THSD7B: variants seen among roughly 807,000 people sequenced by gnomAD.
The protein encoded by THSD7B is thrombospondin type 1 domain containing 7B.
Under a neutral mutation model 213.6 loss-of-function variants are expected in THSD7B, and 138 were observed. The observed-to-expected ratio is 0.65, with a 90% CI of 0.56 to 0.74. The LOEUF (loss-of-function observed/expected upper bound fraction) is 0.74. Among genes scored for constraint, THSD7B ranks in the 30% least tolerant of loss-of-function variants. THSD7B has a pLI of 0.00. For synonymous variants in THSD7B, 742 were observed against 687.0 expected (o/e 1.08, Z -1.25); for missense variants, 1,931 against 1,991.5 (o/e 0.97, Z 0.58).
intron 14 of THSD7B, among the ~76,000 whole-genome samples, chr2:137,427,732 T>A (rs545724837): frequency 6.6e-6 from 1 of 152,222 alleles, no homozygotes; most frequent in East Asian, 1.9e-4. Flanking sequence ...AGTAATGAGA[T>A]GAATAAGTTC....
chr2:137,449,358 T>C (rs183086573), intron 14 of THSD7B, among the ~76,000 whole-genome samples: 202 of 152,360 alleles, frequency 1.3e-3, no homozygotes, highest in African/African-American at 4.1e-3. Context: ...TCTTAGCTTT[T>C]CCATTGTTGC....
intron 2 of THSD7B, among the ~76,000 whole-genome samples, chr2:136,907,574 A>C (rs1684186210): frequency 6.6e-6 from 1 of 152,238 alleles, no homozygotes; most frequent in Non-Finnish European, 1.5e-5. Context: ...GAAGGAAGTC[A>C]TTTATTTCAT....
chr2:136,858,862 C>A (rs1015134958), intron 1 of THSD7B, among the ~76,000 whole-genome samples: 33 of 152,176 alleles, frequency 2.2e-4, no homozygotes, highest in Non-Finnish European at 1.0e-4. Flanking sequence ...GCGGATGCGA[C>A]AGATGTTCAT....
At chr2:137,260,702 A>T (rs72617058) in intron 10 of THSD7B, among the ~76,000 whole-genome samples, 15,532 of 152,178 alleles carry the variant, frequency 0.1, 1,301 homozygotes, top group East Asian at 0.43. Context: ...GAAGTTGAGG[A>T]TGCAGTGAGT....
intron 12 of THSD7B, among the ~76,000 whole-genome samples, chr2:137,338,871 C>T (rs1312926422): frequency 6.6e-6 from 1 of 151,946 alleles, no homozygotes; most frequent in Non-Finnish European, 1.5e-5. Flanking sequence ...TGACAAAGTT[C>T]GTGGCTGTGG....
At chr2:137,333,214 C>T (rs1346046684) in intron 12 of THSD7B, among the ~76,000 whole-genome samples, 1 of 152,140 alleles carries the variant, frequency 6.6e-6, no homozygotes, top group African/African-American at 2.4e-5. Context: ...GCAGCAGGTT[C>T]CGATACATCT....
intron 1 of THSD7B, among the ~76,000 whole-genome samples, chr2:136,811,307 C>T (rs1682370865): frequency 6.6e-6 from 1 of 152,058 alleles, no homozygotes; most frequent in Non-Finnish European, 1.5e-5. Context: ...GCATTTTTCT[C>T]ATTTTTCAAC....
intron 17 of THSD7B, among the ~76,000 whole-genome samples, chr2:137,595,911 T>C (rs1681948822): frequency 1.3e-5 from 2 of 151,946 alleles, no homozygotes; most frequent in Non-Finnish European, 2.9e-5. Flanking sequence ...TGGGAGCTCA[T>C]AAATTGCTCA....
intron 12 of THSD7B, among the ~76,000 whole-genome samples, chr2:137,394,968 G>A (rs1008720143): frequency 1.4e-5 from 2 of 147,316 alleles, no homozygotes; most frequent in Non-Finnish European, 3.0e-5. Flanking sequence ...CTGTTTGTCT[G>A]TTATTGGTGT....
At chr2:136,867,707 C>T (rs967751561) in intron 1 of THSD7B, among the ~76,000 whole-genome samples, 13 of 152,252 alleles carry the variant, frequency 8.5e-5, no homozygotes, top group South Asian at 4.1e-4. Flanking sequence ...CTAGAGATAT[C>T]TTTCATTATA....
intron 5 of THSD7B, among the ~76,000 whole-genome samples, chr2:137,125,903 G>T (rs926320809): frequency 6.6e-6 from 1 of 152,140 alleles, no homozygotes; most frequent in African/African-American, 2.4e-5. Context: ...CTCCATCAGG[G>T]CTTTTGGGGC....
intron 15 of THSD7B, among the ~76,000 whole-genome samples, chr2:137,487,325 G>A (rs1330597349): frequency 2.6e-5 from 3 of 117,104 alleles, no homozygotes; most frequent in East Asian, 5.6e-4. Flanking sequence ...CCGAGATTGC[G>A]CCACTGCAGT....
chr2:136,933,108 A>ATTCCTTCC (rs56042301), intron 2 of THSD7B, among the ~76,000 whole-genome samples: 11,480 of 130,082 alleles, frequency 0.088, 749 homozygotes, highest in Middle Eastern at 0.1. Context: ...TTTGCCCGCC[A>ATTCCTTCC]TTCCTTCCTT....
intron 1 of THSD7B, among the ~76,000 whole-genome samples, chr2:136,810,167 G>T (rs538059705): frequency 6.6e-6 from 1 of 152,158 alleles, no homozygotes; most frequent in African/African-American, 2.4e-5. Flanking sequence ...GTGCTGTCAC[G>T]TGCTGCTGCC....
At chr2:137,413,788 A>T (rs1686727325) in intron 14 of THSD7B, among the ~76,000 whole-genome samples, 1 of 152,160 alleles carries the variant, frequency 6.6e-6, no homozygotes, top group South Asian at 2.1e-4. Context: ...AAGTAATGTT[A>T]TCCAATTTAG....
intron 12 of THSD7B, among the ~76,000 whole-genome samples, chr2:137,321,312 T>C (rs762297446): frequency 1.3e-5 from 2 of 152,228 alleles, no homozygotes; most frequent in Non-Finnish European, 2.9e-5. Context: ...AAAAAGTGGA[T>C]AATTCATTTA....
chr2:136,976,501 T>G (rs1434106858), intron 2 of THSD7B, among the ~76,000 whole-genome samples: 1 of 152,212 alleles, frequency 6.6e-6, no homozygotes. Flanking sequence ...GAACCAGCCT[T>G]GCATCCTGGG....
intron 12 of THSD7B, among the ~76,000 whole-genome samples, chr2:137,338,273 G>A (rs1684685828): frequency 6.6e-6 from 1 of 151,984 alleles, no homozygotes; most frequent in Non-Finnish European, 1.5e-5. Context: ...ATGGCGAATA[G>A]CTTCTCCCAG....
chr2:137,458,398 T>G (rs1687813040), intron 15 of THSD7B, among the ~76,000 whole-genome samples: 1 of 152,212 alleles, frequency 6.6e-6, no homozygotes, highest in South Asian at 2.1e-4. Flanking sequence ...TAGCCATTGC[T>G]TTGATTGTGC....
Sources: gnomAD v4.1 joint callset for allele counts (sites outside exome capture counted in the v4.1 genomes callset) on GRCh38, gnomAD v4.1.1 for gene constraint, MANE v1.5 for transcripts, NCBI Gene and HGNC (gene_info 2026-07-23, HGNC 2026-07-21) for gene names.